Variants in WAC observed in about 807,000 individuals in gnomAD.
WAC encodes WW domain-containing adapter protein with coiled-coil.
WAC carries 11 observed loss-of-function variants against 79.6 expected under a neutral mutation model. The observed-to-expected ratio is 0.14, with a 90% confidence interval of 0.09 to 0.23. The LOEUF is 0.23. Among genes scored for constraint, WAC ranks in the 10% least tolerant of loss-of-function variants. The pLI is 1.00. For missense variants in WAC, 728 were observed against 773.5 expected (o/e 0.94, Z 0.70); for synonymous variants, 304 against 276.9 (o/e 1.10, Z -0.97).
At chr10:28,579,179 T>C (rs1302162405) in intron 3 of WAC, among the ~76,000 whole-genome samples, 3 of 152,116 alleles carry the variant, frequency 2.0e-5, no homozygotes, top group Admixed American at 2.0e-4. Flanking sequence ...GATGAATTTT[T>C]TTTTTTTTTT....
intron 4 of WAC, among the ~76,000 whole-genome samples, chr10:28,584,830 T>C (rs1191863822): frequency 1.3e-5 from 2 of 152,116 alleles, no homozygotes; most frequent in Admixed American, 6.5e-5. Context: ...GGTGGCTCGC[T>C]CCTGTAATCC....
intron 2 of WAC, chr10:28,535,283 T>C (rs1419006146): frequency 3.9e-6 from 1 of 257,180 alleles, no homozygotes; most frequent in Admixed American, 5.3e-5. Flanking sequence ...GCCAAATTTT[T>C]TTATTTTTTG....
Position 28,613,194 on chromosome 10 carries a change from C to T in WAC, c.1437+1272C>T, listed in dbSNP as rs148254476. Among the ~76,000 whole-genome samples, 197 of 152,256 alleles carry T rather than the reference C, an allele frequency of 1.3e-3. 1 individual carries two copies. The highest frequency in any genetic ancestry group is 4.4e-3 in the African/African-American group (181 of 41,552). On this transcript the variant is annotated intron_variant, in intron 10 of 13. Transcript: ENST00000354911. ...ACAAGCCTGGCCAACAGGCAAAACC[C>T]GGTCTCTACTAAAAGTACAAAAATT...
chr10:28,571,075 GC>G (rs1462184614), intron 3 of WAC, among the ~76,000 whole-genome samples: 2 of 146,138 alleles, frequency 1.4e-5, no homozygotes, highest in African/African-American at 5.1e-5. Flanking sequence ...TCCTGCCTTG[GC>G]CTCTTCGAGT....
chr10:28,595,929 G>C lies in WAC; in HGVS notation c.807G>C (p.Thr269=). The change falls in exon 7 of 14, where the codon ACG becomes ACC. Residue 269 remains threonine, a synonymous_variant. Transcript: ENST00000354911. ...GCACTGTTCCTTCTAGTCCATTTAC[G>C]CTACAGTCTGATCACCAGCCAAAGA... is the stretch of plus-strand genomic sequence containing the variant. ...TPSTVPSSPF[T]LQSDHQPKKS... The C allele has an allele frequency of 6.2e-7, 1 of 1,614,048 alleles. No homozygotes were observed. Among genetic ancestry groups the C allele is most frequent in the African/African-American group, 1.3e-5 (1 of 75,000 alleles).
At chr10:28,554,639 C>A (rs751937956) in intron 3 of WAC, among the ~76,000 whole-genome samples, 44 of 152,174 alleles carry the variant, frequency 2.9e-4, no homozygotes, top group Admixed American at 8.5e-4. Flanking sequence ...GTTCATTCTC[C>A]ACATTGCAGT....
At chr10:28,604,252 T>A (rs963318778) in intron 7 of WAC, among the ~76,000 whole-genome samples, 3 of 150,796 alleles carry the variant, frequency 2.0e-5, no homozygotes, top group Admixed American at 6.6e-5. Context: ...TTTTTTTTTT[T>A]ATTGTTTAGC....
chr10:28,534,534 GAT>G (rs1307192045), intron 2 of WAC, among the ~76,000 whole-genome samples: 2 of 152,338 alleles, frequency 1.3e-5, no homozygotes, highest in South Asian at 2.1e-4. Context: ...ACAAGTAAAA[GAT>G]ATGTGTGCTT....
Position 28,608,402 on chromosome 10 carries a change from C to T in WAC, c.1136C>T (p.Ser379Phe). The T allele has an allele frequency of 6.2e-7, 1 of 1,607,472 alleles. No individual in the cohort carries two copies. Among genetic ancestry groups the T allele is most frequent in the Non-Finnish European group, 8.5e-7 (1 of 1,176,438 alleles). ...CAAGCCACGCTGCAGCTTAATAATT[C>T]TAATGTGGACATATCTAAAATAAAT... ...ALQATLQLNN[S>F]NVDISKINEV... Residue 379 changes from serine (S) to phenylalanine (F), a missense_variant, in exon 8 of 14, where the codon TCT (serine) becomes TTT (phenylalanine). By Grantham distance (155) the Ser-to-Phe change is radical. Coordinates refer to ENST00000354911, the MANE Select transcript of WAC (RefSeq NM_016628.5).
intron 3 of WAC, among the ~76,000 whole-genome samples, chr10:28,572,541 G>A (rs1455303458): frequency 6.6e-6 from 1 of 152,012 alleles, no homozygotes; most frequent in African/African-American, 2.4e-5. Context: ...GCTGGGTGTG[G>A]TGGCTCACAC....
intron 3 of WAC, among the ~76,000 whole-genome samples, chr10:28,566,374 C>T (rs1354937074): frequency 1.3e-5 from 2 of 152,116 alleles, no homozygotes; most frequent in East Asian, 3.9e-4. Flanking sequence ...TGTATAATGT[C>T]AGTCCTTGGA....
At chr10:28,560,171 G>A (rs766473233) in intron 3 of WAC, among the ~76,000 whole-genome samples, 1 of 152,012 alleles carries the variant, frequency 6.6e-6, no homozygotes, top group Non-Finnish European at 1.5e-5. Flanking sequence ...GTGAGACTCT[G>A]TTTCTGCAAA....
At chr10:28,581,102 G>A (rs1295016995) in intron 3 of WAC, among the ~76,000 whole-genome samples, 1 of 151,956 alleles carries the variant, frequency 6.6e-6, no homozygotes, top group African/African-American at 2.4e-5. Context: ...TAGTGTGCAC[G>A]GCTTTTACTG....
At chr10:28,596,083 T>A in intron 7 of WAC, 42 bp downstream of exon 7, 1 of 1,548,838 alleles carries the variant, frequency 6.5e-7, no homozygotes, top group South Asian at 1.2e-5. Context: ...AACTATAGTT[T>A]CTAAGTTTCT....
intron 7 of WAC, among the ~76,000 whole-genome samples, chr10:28,606,022 C>G (rs1840924009): frequency 6.6e-6 from 1 of 151,370 alleles, no homozygotes; most frequent in African/African-American, 2.4e-5. Context: ...ATTGATTGCC[C>G]CATAAAATAC....
intron 2 of WAC, 27 bp from the exon 3 acceptor site, chr10:28,535,532 CTCT>C: frequency 2.0e-6 from 3 of 1,524,988 alleles, no homozygotes; most frequent in Non-Finnish European, 2.7e-6. Flanking sequence ...AATTCTTTCT[CTCT>C]TTTTTTGGGG....
chr10:28,572,821 A>G (rs1025282278), intron 3 of WAC, among the ~76,000 whole-genome samples: 2 of 152,188 alleles, frequency 1.3e-5, no homozygotes, highest in Non-Finnish European at 2.9e-5. Flanking sequence ...CAGCAACAAC[A>G]ACAAAAACCT....
At chr10:28,534,090 G>A in intron 2 of WAC, 56 bp downstream of exon 2, 1 of 1,514,102 alleles carries the variant, frequency 6.6e-7, no homozygotes, top group Non-Finnish European at 8.9e-7. Flanking sequence ...GGAAGGGAGG[G>A]ACTGCTACTC....
At chr10:28,567,447 T>C (rs1027325394) in intron 3 of WAC, among the ~76,000 whole-genome samples, 7 of 152,162 alleles carry the variant, frequency 4.6e-5, no homozygotes, top group African/African-American at 1.2e-4. Context: ...AGGAAAGAGC[T>C]ATGAAAGGCA....
Sources: gnomAD v4.1 joint callset for allele counts (sites outside exome capture counted in the v4.1 genomes callset) on GRCh38, gnomAD v4.1.1 for gene constraint, MANE v1.5 for transcripts, NCBI Gene and HGNC (gene_info 2026-07-23, HGNC 2026-07-21) for gene names.